The following CSAD variants were observed in gnomAD, a reference collection of about 807,000 sequenced individuals.
CSAD encodes the protein P-selectin cytoplasmic tail-associated protein.
In CSAD, 47 loss-of-function variants were observed where a neutral mutation model predicts 61.5. That is an observed-to-expected ratio of 0.76 (90% confidence interval 0.60 to 0.97). CSAD has a LOEUF of 0.97. CSAD is among the 50% of genes least tolerant of loss of function. The pLI is 0.00. For missense variants in CSAD, 611 were observed against 643.6 expected, an observed-to-expected ratio of 0.95 and a Z score of 0.55; for synonymous variants, 245 against 252.7, an observed-to-expected ratio of 0.97 and a Z score of 0.29.
At chr12:53,178,140 T>TA (rs1415902828) in intron 2 of CSAD, among the ~76,000 whole-genome samples, 1 of 152,158 alleles carries the variant, frequency 6.6e-6, no homozygotes, top group Admixed American at 6.5e-5. Flanking sequence ...TGGGAGTTGT[T>TA]ACAAACTTTT....
chr12:53,159,413 G>A (rs1938971549), intron 16 of CSAD, among the ~76,000 whole-genome samples: 1 of 152,132 alleles, frequency 6.6e-6, no homozygotes, highest in Non-Finnish European at 1.5e-5. Context: ...TGACTTCTCT[G>A]ACTTCTCCTG....
At position 53,160,296 on chromosome 12, in the gene CSAD, C is replaced by T; in HGVS notation, c.990G>A (p.Gly330=). ...DTSNLLKRCH[G]SQASYLFQQD... Reference sequence around the variant, plus strand: ...GCTGGAAAAGGTAGCTGGCCTGGGACCCATGGCAGCGCTTGAGCAGGTTCT... The same window carrying T: ...GCTGGAAAAGGTAGCTGGCCTGGGATCCATGGCAGCGCTTGAGCAGGTTCT... The change falls in exon 14 of 17, where the codon GGG becomes GGA. Residue 330 remains glycine, a synonymous_variant. Transcript: ENST00000444623. 8 of 1,614,160 alleles carry T rather than the reference C, an allele frequency of 5.0e-6. No individual in the cohort carries two copies. Among genetic ancestry groups the T allele is most frequent in the East Asian group, 2.2e-5 (1 of 44,888 alleles).
rs138653287 is a variant in CSAD, at chr12:53,166,862, A to G, written c.702+3210T>C. 3.4e-3 allele frequency among the ~76,000 whole-genome samples: 521 copies of G among 152,294 alleles called. 1 individual carries two copies. The highest frequency in any genetic ancestry group is 0.012 in the African/African-American group (492 of 41,562). ...GAGTTCTGGAGACTGGTTGCAAAAC[A>G]ATGTGAATGTATTTAACACTACTGA... On this transcript the variant is annotated intron_variant, in intron 10 of 16. Coordinates refer to ENST00000444623, the MANE Select transcript of CSAD (RefSeq NM_001244705.2).
At chr12:53,170,310 G>T in intron 9 of CSAD, 113 bp downstream of exon 9, 1 of 1,040,116 alleles carries the variant, frequency 9.6e-7, no homozygotes, top group Non-Finnish European at 1.5e-6. Context: ...CTACTGAATA[G>T]CGAGGGGAGA....
intron 10 of CSAD, among the ~76,000 whole-genome samples, chr12:53,168,140 T>G (rs1308544191): frequency 1.3e-5 from 2 of 152,214 alleles, no homozygotes; most frequent in Admixed American, 1.3e-4. Context: ...GCATGCATAA[T>G]ATGATTCCAG....
Position 53,161,254 on chromosome 12 carries a change from A to G in CSAD, c.819+19T>C, listed in dbSNP as rs373574350. On this transcript the variant is annotated intron_variant, in intron 11 of 16. Transcript: ENST00000444623. ...GCTCAGCCCACCCCACCGCACCCCC[A>G]AGCCGAAGTCCCACTCACATCCACA... is the stretch of plus-strand genomic sequence containing the variant. 3.2e-5 allele frequency: 52 copies of G among 1,613,364 alleles called. No homozygotes were observed. The African/African-American group carries it at 6.4e-4, about 20-fold the overall frequency.
rs1368304244 is a variant in CSAD at position 53,171,983 on chromosome 12, G to A, written c.350C>T (p.Thr117Ile). 1.9e-6 allele frequency: 3 copies of A among 1,612,480 alleles called. No homozygotes were observed. Among genetic ancestry groups the A allele is most frequent in the Admixed American group, 3.3e-5 (2 of 60,000 alleles). ...ITESLNTSQY[T>I]YEIAPVFVLM... ...CACAAACACGGGGGCGATTTCATAT[G>A]TGTACCTGCCAGGAGAGAGAACGAC... is the stretch of plus-strand genomic sequence containing the variant. Residue 117 changes from threonine (T) to isoleucine (I), a missense_variant, in exon 7 of 17, where the codon ACA (threonine) becomes ATA (isoleucine). Thr to Ile is a moderately conservative substitution (Grantham distance 89). Transcript: ENST00000444623.
Position 53,173,449 on chromosome 12 carries a change from G to C in CSAD, c.22C>G (p.Pro8Ala), listed in dbSNP as rs1940837621. Residue 8 changes from proline to alanine, a missense_variant, in exon 4 of 17, where the codon CCC (proline) becomes GCC (alanine). Transcript: ENST00000444623. MADSEAL[P>A]SLAGDPVAVE... ...GCCACTGGGTCCCCAGCAAGGGAGG[G>C]GAGTGCTTCTGAGTCAGCCATCAGG... is the stretch of plus-strand genomic sequence containing the variant. 1 of 1,614,182 alleles carries C rather than the reference G, an allele frequency of 6.2e-7. No homozygotes were observed. Among genetic ancestry groups the C allele is most frequent in the Non-Finnish European group, 8.5e-7 (1 of 1,180,034 alleles).
intron 2 of CSAD, among the ~76,000 whole-genome samples, 196 bp downstream of exon 2, chr12:53,178,906 G>T (rs1941317025): frequency 6.6e-6 from 1 of 152,104 alleles, no homozygotes. Flanking sequence ...TTATTGCCCA[G>T]GAAAGGCACG....
Position 53,159,607 on chromosome 12 carries a change from A to G in CSAD, c.1308+16T>C. ...CAGCTCCCTAACGGGTAAAGAGAGC[A>G]GCACAGCACGCCTACCTTTGACAGC... is the stretch of plus-strand genomic sequence containing the variant. On this transcript the variant is annotated intron_variant, in intron 16 of 16. Transcript: ENST00000444623. 2 of 1,604,340 alleles carry G rather than the reference A, an allele frequency of 1.2e-6. No homozygotes were observed. Among genetic ancestry groups the G allele is most frequent in the Non-Finnish European group, 1.7e-6 (2 of 1,174,640 alleles).
rs1939103415 is a variant in CSAD at position 53,160,122 on chromosome 12, G to T, written c.1164C>A (p.Ala388=). 1.9e-6 allele frequency: 3 copies of T among 1,612,884 alleles called. No homozygotes were observed. The highest frequency in any genetic ancestry group is 1.3e-5 in the African/African-American group (1 of 74,916). Residue 388 remains alanine, a splice_region_variant and synonymous_variant, in exon 14 of 17, where the codon GCC becomes GCA. Coordinates refer to ENST00000444623, the MANE Select transcript of CSAD (RefSeq NM_001244705.2). ...ACCCCCCACCTCCTCCCGCCTACCG[G>T]GCAAGGACAAAGGCCTGGTCGATGC... ...ERRIDQAFVL[A]RYLVEEMKKR...
chr12:53,172,941 C>T (rs1249670294), intron 4 of CSAD, among the ~76,000 whole-genome samples: 1 of 152,206 alleles, frequency 6.6e-6, no homozygotes, highest in Non-Finnish European at 1.5e-5. Context: ...GGCGTGGTAG[C>T]TCACGCCTGT....
chr12:53,178,289 A>G (rs1460921448), intron 2 of CSAD: 2 of 447,410 alleles, frequency 4.5e-6, no homozygotes, highest in Non-Finnish European at 8.9e-6. Context: ...CCTGGGCAAC[A>G]TGGCAAAACC....
chr12:53,179,409 A>G (rs1245528048), intron 1 of CSAD, among the ~76,000 whole-genome samples: 1 of 152,262 alleles, frequency 6.6e-6, no homozygotes, highest in East Asian at 1.9e-4. Flanking sequence ...CAAACTGGTA[A>G]GAATGATTCC....
At chr12:53,170,661 T>C (rs1940455366) in intron 8 of CSAD, 159 bp from the exon 9 acceptor site, 1 of 643,942 alleles carries the variant, frequency 1.6e-6, no homozygotes, top group Non-Finnish European at 2.8e-6. Context: ...TAAAATGAAA[T>C]GCAGGTTCTG....
rs891254432 is a variant in CSAD at position 53,160,758 on chromosome 12, C to A, written c.966+5G>T. On this transcript the variant is annotated splice_donor_5th_base_variant and intron_variant, in intron 13 of 16. Transcript: ENST00000444623. The stretch of plus-strand genomic sequence containing the variant: ...GGGCTGGTGCAGGGGCAGGGGCAGA[C>A]CCACCGAGGTATCCTGGAGAAGAAG... The A allele has an allele frequency of 5.2e-6, 8 of 1,550,964 alleles. No homozygotes were observed. Among genetic ancestry groups the A allele is most frequent in the Admixed American group, 2.0e-5 (1 of 50,960 alleles).
At chr12:53,170,037 A>T (rs754960637) in intron 10 of CSAD, 35 bp downstream of exon 10, 2 of 1,589,228 alleles carry the variant, frequency 1.3e-6, no homozygotes, top group Non-Finnish European at 1.7e-6. Flanking sequence ...AGACAGTTGG[A>T]GGCTATATCA....
chr12:53,169,804 G>A (rs1940341258), intron 10 of CSAD, among the ~76,000 whole-genome samples: 1 of 151,842 alleles, frequency 6.6e-6, no homozygotes, highest in African/African-American at 2.4e-5. Flanking sequence ...TACAGCGCAG[G>A]CCCCCAGCAC....
At chr12:53,177,497 AC>A (rs1348101560) in intron 2 of CSAD, among the ~76,000 whole-genome samples, 1 of 152,220 alleles carries the variant, frequency 6.6e-6, no homozygotes, top group Non-Finnish European at 1.5e-5. Flanking sequence ...CAGACAGTTT[AC>A]AAAAACAATT....
Sources: allele counts gnomAD v4.1 joint callset (sites outside exome capture counted in the v4.1 genomes callset), GRCh38; gene constraint gnomAD v4.1.1; transcripts MANE v1.5; gene names NCBI Gene and HGNC (gene_info 2026-07-23, HGNC 2026-07-21).